SMAP1: variants seen among roughly 807,000 people sequenced by gnomAD.
SMAP1 encodes stromal membrane-associated protein 1.
A neutral mutation model predicts 58.5 loss-of-function variants in SMAP1; 24 were observed. The ratio of observed to expected loss-of-function variants is 0.41; its 90% CI spans 0.30 to 0.58. The LOEUF is 0.58. Among genes scored for constraint, SMAP1 ranks in the 20% least tolerant of loss-of-function variants. SMAP1 has a pLI of 0.29. For missense variants in SMAP1, 563 were observed against 566.3 expected (o/e 0.99, Z 0.06); for synonymous variants, 216 against 196.6 (o/e 1.10, Z -0.82).
At chr6:70,732,314 T>C (rs1417100351) in intron 1 of SMAP1, 64 bp from the exon 2 acceptor site, 7 of 1,513,226 alleles carry the variant, frequency 4.6e-6, no homozygotes, top group East Asian at 2.3e-5. Flanking sequence ...GCTTCTAATA[T>C]GCTGTTATGT....
At chr6:70,776,723 A>G (rs929823100) in intron 4 of SMAP1, among the ~76,000 whole-genome samples, 6 of 152,156 alleles carry the variant, frequency 3.9e-5, no homozygotes, top group East Asian at 3.8e-4. Flanking sequence ...GCTCACACAG[A>G]AGAATGAGAA....
At chr6:70,758,298 C>G (rs898994361) in intron 3 of SMAP1, among the ~76,000 whole-genome samples, 1 of 147,626 alleles carries the variant, frequency 6.8e-6, no homozygotes, top group Non-Finnish European at 1.5e-5. Context: ...CATATTCTCA[C>G]TTATAGGTGG....
At chr6:70,753,462 C>G in intron 2 of SMAP1, among the ~76,000 whole-genome samples, 1 of 152,242 alleles carries the variant, frequency 6.6e-6, no homozygotes, top group Non-Finnish European at 1.5e-5. Flanking sequence ...GATTACATAA[C>G]TTGATCATCT....
At chr6:70,760,704 A>G (rs1197620270) in intron 3 of SMAP1, among the ~76,000 whole-genome samples, 1 of 152,034 alleles carries the variant, frequency 6.6e-6, no homozygotes, top group East Asian at 1.9e-4. Flanking sequence ...TTATAGATAT[A>G]AATATAGTTG....
At chr6:70,803,407 TGCTA>T (rs1224798543) in intron 6 of SMAP1, among the ~76,000 whole-genome samples, 2 of 152,140 alleles carry the variant, frequency 1.3e-5, no homozygotes, top group East Asian at 3.8e-4. Flanking sequence ...TTATTAGTCT[TGCTA>T]GCAGTCTATT....
intron 6 of SMAP1, among the ~76,000 whole-genome samples, chr6:70,814,022 C>G (rs1267045127): frequency 6.6e-6 from 1 of 152,120 alleles, no homozygotes; most frequent in Non-Finnish European, 1.5e-5. Flanking sequence ...AAGGAGATGT[C>G]TCTCCACTAA....
chr6:70,679,661 A>G (rs749260032), intron 1 of SMAP1, among the ~76,000 whole-genome samples: 17 of 152,238 alleles, frequency 1.1e-4, no homozygotes, highest in Non-Finnish European at 2.2e-4. Flanking sequence ...AAATTTAACA[A>G]AATACGTGCA....
intron 7 of SMAP1, among the ~76,000 whole-genome samples, chr6:70,841,950 G>A (rs1770822549): frequency 6.6e-6 from 1 of 152,158 alleles, no homozygotes; most frequent in South Asian, 2.1e-4. Context: ...AAGTCCATGT[G>A]CTATATAAAG....
intron 1 of SMAP1, among the ~76,000 whole-genome samples, chr6:70,719,996 A>G (rs574081658): frequency 1.3e-5 from 2 of 152,300 alleles, no homozygotes; most frequent in South Asian, 2.1e-4. Context: ...TGCCTTCCCA[A>G]CAGTCCCCCA....
chr6:70,851,267 A>C (rs1771174449), intron 7 of SMAP1, among the ~76,000 whole-genome samples: 1 of 152,196 alleles, frequency 6.6e-6, no homozygotes, highest in Admixed American at 6.5e-5. Context: ...TTGAAGCTTA[A>C]ACAGGGAAAT....
Position 70,861,757 on chromosome 6 carries a change from G to C in SMAP1, c.*1423G>C, listed in dbSNP as rs577775408. The C allele has an allele frequency of 6.2e-7, 1 of 1,614,094 alleles. No individual in the cohort carries two copies. The highest frequency in any genetic ancestry group is 1.3e-5 in the African/African-American group (1 of 75,036). On this transcript the variant is annotated 3_prime_UTR_variant, in exon 11 of 11. Coordinates refer to ENST00000370455, the MANE Select transcript of SMAP1 (RefSeq NM_001044305.3). ...AGTGTGCCACACGAGAACCTGAAGG[G>C]GAAGGAAATAGCTTGGGTAGCGCAC...
intron 6 of SMAP1, among the ~76,000 whole-genome samples, chr6:70,815,741 C>T (rs1033422308): frequency 6.6e-6 from 1 of 152,016 alleles, no homozygotes; most frequent in Non-Finnish European, 1.5e-5. Context: ...CTGTCAATCC[C>T]CATACACTCA....
At chr6:70,697,558 G>A (rs1472085054) in intron 1 of SMAP1, among the ~76,000 whole-genome samples, 2 of 151,958 alleles carry the variant, frequency 1.3e-5, no homozygotes, top group East Asian at 1.9e-4. Flanking sequence ...TGCCTGCCTC[G>A]GCCTCCCCAA....
intron 7 of SMAP1, among the ~76,000 whole-genome samples, chr6:70,840,687 T>A (rs535864122): frequency 1.1e-3 from 168 of 152,360 alleles, no homozygotes; most frequent in African/African-American, 3.8e-3. Flanking sequence ...ATTTAGATAT[T>A]AATTTGTGTT....
chr6:70,768,755 T>G (rs1365044690), intron 3 of SMAP1, among the ~76,000 whole-genome samples: 1 of 152,212 alleles, frequency 6.6e-6, no homozygotes, highest in African/African-American at 2.4e-5. Flanking sequence ...TTTCCTTCAG[T>G]TCTGCTCTGA....
intron 9 of SMAP1, chr6:70,857,342 C>G (rs921803261): frequency 4.9e-6 from 1 of 203,732 alleles, no homozygotes; most frequent in Non-Finnish European, 9.9e-6. Flanking sequence ...TTTATGACTG[C>G]GTACAGTGTA....
intron 6 of SMAP1, 150 bp from the exon 7 acceptor site, chr6:70,836,791 G>T (rs1048789192): frequency 3.2e-6 from 2 of 634,228 alleles, no homozygotes. Flanking sequence ...CGCTTGTTTT[G>T]TATATGACAA....
At chr6:70,712,689 A>G (rs1768100636) in intron 1 of SMAP1, among the ~76,000 whole-genome samples, 1 of 150,784 alleles carries the variant, frequency 6.6e-6, no homozygotes. Flanking sequence ...CTAGGAATTT[A>G]TCTGTTTCCT....
intron 1 of SMAP1, among the ~76,000 whole-genome samples, chr6:70,720,215 T>C (rs774848930): frequency 2.0e-5 from 3 of 152,156 alleles, no homozygotes; most frequent in Non-Finnish European, 4.4e-5. Flanking sequence ...ACAGGGCCCA[T>C]GCAAGTCCAA....
Sources: allele counts gnomAD v4.1 joint callset (sites outside exome capture counted in the v4.1 genomes callset), GRCh38; gene constraint gnomAD v4.1.1; transcripts MANE v1.5; gene names NCBI Gene and HGNC (gene_info 2026-07-23, HGNC 2026-07-21).